The following MTRES1 variants were observed in gnomAD, a reference collection of about 807,000 sequenced individuals.
The protein encoded by MTRES1 is uncharacterized protein C6orf203.
A neutral mutation model predicts 17.4 loss-of-function variants in MTRES1; 11 were observed. That is an observed-to-expected ratio of 0.63 (90% CI 0.40 to 1.05). MTRES1 has a LOEUF of 1.05. Among genes scored for constraint, MTRES1 ranks in the 50% least tolerant of loss-of-function variants. MTRES1 has a pLI of 0.00. For missense variants in MTRES1, 268 were observed against 276.2 expected, an observed-to-expected ratio of 0.97 and a Z score of 0.21; for synonymous variants, 94 against 99.6, an observed-to-expected ratio of 0.94 and a Z score of 0.34.
rs183426915 is a variant in MTRES1, at chr6:107,029,926, C to T, written c.-13+1655C>T. On this transcript the variant is annotated intron_variant, in intron 1 of 3. Coordinates refer to ENST00000311381, the MANE Select transcript of MTRES1 (RefSeq NM_016487.5). ...GACCTCATCTTGCCCTCTCAATCCCCCTTACCCTGCTCCACTTTCTTCCCC... is the reference window on the plus strand; with the variant it reads ...GACCTCATCTTGCCCTCTCAATCCCTCTTACCCTGCTCCACTTTCTTCCCC... 83 of 628,480 alleles carry T rather than the reference C, an allele frequency of 1.3e-4. No homozygotes were observed. In the East Asian group the frequency reaches 2.2e-3, roughly 16 times the overall value. The allele number at this position is 628,480 out of a possible 1,614,324, so 38.9% of individuals were successfully genotyped here.
chr6:107,044,236 T>G (rs1032034085), intron 2 of MTRES1, 24 bp from the exon 3 acceptor site: 10 of 1,600,858 alleles, frequency 6.2e-6, no homozygotes, highest in Non-Finnish European at 8.6e-6. Context: ...ATTGTGTACA[T>G]TGTTGCTTTT....
chr6:107,038,223 T>C (rs1347717763), intron 1 of MTRES1, among the ~76,000 whole-genome samples: 1 of 152,166 alleles, frequency 6.6e-6, no homozygotes, highest in Non-Finnish European at 1.5e-5. Context: ...CTCCATGTTT[T>C]TGAGTGAGCC....
At chr6:107,046,075 G>A (rs1774379731) in intron 3 of MTRES1, among the ~76,000 whole-genome samples, 1 of 152,216 alleles carries the variant, frequency 6.6e-6, no homozygotes. Context: ...CAGGGCCCTG[G>A]TGATGCCCCT....
At chr6:107,042,017 T>C (rs1196266757) in intron 2 of MTRES1, among the ~76,000 whole-genome samples, 1 of 152,074 alleles carries the variant, frequency 6.6e-6, no homozygotes, top group Non-Finnish European at 1.5e-5. Context: ...AATGGCATAG[T>C]TTAATTTTTT....
chr6:107,031,169 C>T (rs113364395), intron 1 of MTRES1, among the ~76,000 whole-genome samples: 2,886 of 151,968 alleles, frequency 0.019, 95 homozygotes, highest in African/African-American at 0.067. Context: ...CACTTGAGGT[C>T]AGGATTTCCA....
At chr6:107,044,525 A>G (rs554259249) in intron 3 of MTRES1, among the ~76,000 whole-genome samples, 193 bp downstream of exon 3, 1 of 152,280 alleles carries the variant, frequency 6.6e-6, no homozygotes, top group South Asian at 2.1e-4. Context: ...TGCAGCCTTA[A>G]TGATCTTCTG....
rs545585917 is a variant in MTRES1, at chr6:107,028,240, C to G, written c.-44C>G. ...CCTGGAGGCCTGCAGTCCGCGCGGC[C>G]GCGGGGAGGGACGAGAGGGCCTGAC... On this transcript the variant is annotated 5_prime_UTR_variant, in exon 1 of 4. Coordinates refer to ENST00000311381, the MANE Select transcript of MTRES1 (RefSeq NM_016487.5). The G allele has an allele frequency of 6.6e-6, 1 of 152,314 alleles. No individual in the cohort carries two copies. Among genetic ancestry groups the G allele is most frequent in the African/African-American group, 2.4e-5 (1 of 41,576 alleles). 9.4% of individuals were successfully genotyped at this position (152,314 alleles called of 1,614,324 possible). A position where few individuals can be genotyped will look rare whatever the true frequency, so the allele number is the denominator to read the frequency against.
intron 1 of MTRES1, among the ~76,000 whole-genome samples, chr6:107,039,182 T>C (rs1008086503): frequency 2.0e-5 from 3 of 152,216 alleles, no homozygotes; most frequent in East Asian, 3.8e-4. Context: ...CTTTCACATA[T>C]ACTCATATCA....
At chr6:107,043,302 C>A (rs962470735) in intron 2 of MTRES1, among the ~76,000 whole-genome samples, 2 of 151,752 alleles carry the variant, frequency 1.3e-5, no homozygotes, top group East Asian at 3.9e-4. Flanking sequence ...CCACCGCACT[C>A]CAGCCTGGGC....
In MTRES1 at chr6:107,029,972, A is replaced by G. The variant is rs1217838265; in HGVS notation, c.-13+1701A>G. 7 of 664,980 alleles carry G rather than the reference A, an allele frequency of 1.1e-5. No individual in the cohort carries two copies. In the African/African-American group the frequency reaches 1.3e-4, roughly 12 times the overall value. The allele number at this position is 664,980 out of a possible 1,614,324, so 41.2% of individuals were successfully genotyped here. On this transcript the variant is annotated intron_variant, in intron 1 of 3. Transcript: ENST00000311381. ...TCCCCCAGTGCATTAACCACCAGCT[A>G]TCATATAATTTACAGGGTGTTTTTT...
At chr6:107,033,081 A>G (rs111555099) in intron 1 of MTRES1, among the ~76,000 whole-genome samples, 2 of 152,316 alleles carry the variant, frequency 1.3e-5, no homozygotes, top group Admixed American at 6.5e-5. Flanking sequence ...AGGGGTGGCT[A>G]TAGTAATGGG....
intron 3 of MTRES1, among the ~76,000 whole-genome samples, chr6:107,046,309 C>G (rs1380848123): frequency 1.3e-5 from 2 of 152,156 alleles, no homozygotes; most frequent in Admixed American, 1.3e-4. Flanking sequence ...ACAAACCCCA[C>G]TAGACTATTT....
intron 1 of MTRES1, among the ~76,000 whole-genome samples, chr6:107,033,289 A>C (rs782071518): frequency 1.3e-5 from 2 of 152,094 alleles, no homozygotes; most frequent in African/African-American, 4.8e-5. Flanking sequence ...GGAAAAGGGC[A>C]TGTGGGGCAT....
Position 107,028,256 on chromosome 6 carries a change from AG to A in MTRES1, c.-25del, listed in dbSNP as rs1773701290. ...CCGCGCGGCCGCGGGGAGGGACGAG[AG>A]GGCCTGACGTACAGGTGAGTGCGCC... On this transcript the variant is annotated 5_prime_UTR_variant, in exon 1 of 4. Transcript: ENST00000311381. 1 of 152,008 alleles carries A rather than the reference AG, an allele frequency of 6.6e-6. No homozygotes were observed. Among genetic ancestry groups the A allele is most frequent in the Admixed American group, 6.5e-5 (1 of 15,278 alleles). The allele number at this position is 152,008 out of a possible 1,614,324, so 9.4% of individuals were successfully genotyped here.
chr6:107,047,105 G>A (rs1159325755), intron 3 of MTRES1, among the ~76,000 whole-genome samples: 14 of 152,068 alleles, frequency 9.2e-5, no homozygotes, highest in Admixed American at 4.6e-4. Context: ...CCCCGCCAAA[G>A]GGATTCATTC....
Position 107,039,904 on chromosome 6 carries a change from C to G in MTRES1, c.144C>G (p.Thr48=), listed in dbSNP as rs41313442. The G allele has an allele frequency of 1.2e-6, 2 of 1,614,002 alleles. No individual in the cohort carries two copies. The highest frequency in any genetic ancestry group is 4.5e-5 in the East Asian group (2 of 44,872). ...ATCGATACTTGTATTTTTCTAGTAC[C>G]AAGTTACGTGCACCAAATTATAAAA... ...SWNRYLYFSS[T]KLRAPNYKTL... The change falls in exon 2 of 4, where the codon ACC becomes ACG. Residue 48 remains threonine (T), a synonymous_variant. Coordinates refer to ENST00000311381, the MANE Select transcript of MTRES1 (RefSeq NM_016487.5).
At chr6:107,044,969 G>A (rs527660101) in intron 3 of MTRES1, among the ~76,000 whole-genome samples, 10 of 151,948 alleles carry the variant, frequency 6.6e-5, no homozygotes, top group African/African-American at 1.4e-4. Flanking sequence ...CCAGCAGATC[G>A]CTTGAGCCCA....
At chr6:107,034,024 A>G (rs1554226693) in intron 1 of MTRES1, among the ~76,000 whole-genome samples, 1 of 152,236 alleles carries the variant, frequency 6.6e-6, no homozygotes, top group Non-Finnish European at 1.5e-5. Flanking sequence ...TAAGCTGATC[A>G]CAATGAGAGG....
intron 3 of MTRES1, among the ~76,000 whole-genome samples, chr6:107,046,041 C>T (rs1289297152): frequency 2.0e-5 from 3 of 152,302 alleles, no homozygotes; most frequent in Admixed American, 1.3e-4. Context: ...AAAACTCCCC[C>T]AAGCTGTCTC....
Sources: gnomAD v4.1 joint callset for allele counts (sites outside exome capture counted in the v4.1 genomes callset) on GRCh38, gnomAD v4.1.1 for gene constraint, MANE v1.5 for transcripts, NCBI Gene and HGNC (gene_info 2026-07-23, HGNC 2026-07-21) for gene names.